The following MAP3K19 variants were observed in gnomAD, a reference collection of about 807,000 sequenced individuals.
MAP3K19 encodes the protein mitogen-activated protein kinase kinase kinase 19.
Under a neutral mutation model 114.4 loss-of-function variants are expected in MAP3K19, and 91 were observed. The ratio of observed to expected loss-of-function variants is 0.80; its 90% CI spans 0.67 to 0.95. MAP3K19 has a LOEUF of 0.95. MAP3K19 is among the 40% of genes least tolerant of loss of function. The pLI, the probability that MAP3K19 is intolerant of heterozygous loss-of-function variation, is 0.00. For synonymous variants in MAP3K19, 518 were observed against 530.5 expected, an observed-to-expected ratio of 0.98 and a Z score of 0.32; for missense variants, 1,471 against 1,573.2, an observed-to-expected ratio of 0.94 and a Z score of 1.10.
At chr2:135,018,109 T>C (rs147379105) in intron 5 of MAP3K19, among the ~76,000 whole-genome samples, 1,547 of 151,924 alleles carry the variant, frequency 0.01, 24 homozygotes, top group African/African-American at 0.035. Context: ...CTGACCAACA[T>C]AGAGAAACCC....
At chr2:134,984,199 T>C (rs939306253) in intron 10 of MAP3K19, among the ~76,000 whole-genome samples, 3 of 152,002 alleles carry the variant, frequency 2.0e-5, no homozygotes, top group African/African-American at 4.8e-5. Context: ...CCCCCTAACC[T>C]CAACTCTCTC....
chr2:134,987,092 T>A lies in MAP3K19; in HGVS notation c.1780A>T (p.Met594Leu). Residue 594 changes from methionine to leucine, a missense_variant, in exon 10 of 13, where the codon ATG becomes TTG. By Grantham distance (15) the Met-to-Leu change is conservative (BLOSUM62 2). Coordinates refer to ENST00000392915, the MANE Select transcript of MAP3K19 (RefSeq NM_025052.5). Reference protein sequence around the residue: ...PWQLPRFQKKMPQIAKKQSTH... With the variant: ...PWQLPRFQKKLPQIAKKQSTH... ...GATTGCTTCTTTGCTATCTGTGGCATTTTCTTTTGAAACCTGGGCAATTGC... is the reference window on the plus strand; with the variant it reads ...GATTGCTTCTTTGCTATCTGTGGCAATTTCTTTTGAAACCTGGGCAATTGC... 2 of 1,613,348 alleles carry A rather than the reference T, an allele frequency of 1.2e-6. No individual in the cohort carries two copies. The highest frequency in any genetic ancestry group is 1.7e-6 in the Non-Finnish European group (2 of 1,179,986).
chr2:134,998,262 G>A (rs1055374512), intron 8 of MAP3K19, among the ~76,000 whole-genome samples: 1 of 152,064 alleles, frequency 6.6e-6, no homozygotes, highest in Non-Finnish European at 1.5e-5. Context: ...CACAGCGTGG[G>A]CCCCCAAGAT....
At chr2:134,969,513 T>C (rs1683712737) in intron 12 of MAP3K19, among the ~76,000 whole-genome samples, 3 of 152,338 alleles carry the variant, frequency 2.0e-5, no homozygotes, top group East Asian at 3.9e-4. Context: ...TGTTGAGCAT[T>C]TCTTCATATA....
At chr2:135,017,070 T>C (rs1182572172) in intron 5 of MAP3K19, among the ~76,000 whole-genome samples, 1 of 152,228 alleles carries the variant, frequency 6.6e-6, no homozygotes, top group Non-Finnish European at 1.5e-5. Context: ...CTTGTTGTTT[T>C]GATGCTACTT....
In MAP3K19 at chr2:134,987,313, A is replaced by T; in HGVS notation, c.1559T>A (p.Ile520Lys). 6.2e-7 allele frequency: 1 copy of T among 1,614,130 alleles called. No individual in the cohort carries two copies. The highest frequency in any genetic ancestry group is 8.5e-7 in the Non-Finnish European group (1 of 1,180,016). The change falls in exon 10 of 13, where the codon ATA becomes AAA. Residue 520 changes from isoleucine to lysine, a missense_variant. Ile to Lys is a moderately radical substitution (Grantham distance 102). Coordinates refer to ENST00000392915, the MANE Select transcript of MAP3K19 (RefSeq NM_025052.5). The part of the protein sequence containing the change: ...GTIHNNHSVN[I>K]PVHQENDKHK... ...CTTGTCATTTTCTTGGTGTACAGGTATGTTGACACTATGGTTGTTATGAAT... is the reference window on the plus strand; with the variant it reads ...CTTGTCATTTTCTTGGTGTACAGGTTTGTTGACACTATGGTTGTTATGAAT...
intron 5 of MAP3K19, among the ~76,000 whole-genome samples, chr2:135,012,356 G>C (rs531455075): frequency 2.6e-5 from 4 of 152,144 alleles, no homozygotes; most frequent in African/African-American, 9.7e-5. Flanking sequence ...TCACTCCCTT[G>C]TTGGGAACCA....
intron 2 of MAP3K19, among the ~76,000 whole-genome samples, chr2:135,039,744 T>C (rs528917198): frequency 1.7e-3 from 255 of 152,336 alleles, no homozygotes; most frequent in African/African-American, 6.0e-3. Context: ...CTCTACATGC[T>C]CATATTGTTG....
intron 6 of MAP3K19, among the ~76,000 whole-genome samples, chr2:135,004,608 T>C (rs1686682523): frequency 6.6e-6 from 1 of 152,198 alleles, no homozygotes; most frequent in Non-Finnish European, 1.5e-5. Flanking sequence ...AAACATTTAC[T>C]TTAAGAAGGT....
chr2:135,029,150 A>G (rs1425368835), intron 3 of MAP3K19, among the ~76,000 whole-genome samples: 2 of 152,328 alleles, frequency 1.3e-5, no homozygotes, highest in East Asian at 3.9e-4. Flanking sequence ...AGGCGGGCAG[A>G]TCACAAGGTC....
At chr2:134,989,810 G>C (rs1685426826) in intron 9 of MAP3K19, among the ~76,000 whole-genome samples, 1 of 152,062 alleles carries the variant, frequency 6.6e-6, no homozygotes, top group Non-Finnish European at 1.5e-5. Context: ...GGCCAGGTGT[G>C]GTGGCTCACA....
intron 2 of MAP3K19, among the ~76,000 whole-genome samples, chr2:135,033,558 G>A (rs1336616700): frequency 0.018 from 7 of 390 alleles, no homozygotes; most frequent in East Asian, 0.062. Context: ...CGGACGGGGC[G>A]GCTGGCGGGC....
chr2:135,013,450 T>C (rs182195461), intron 5 of MAP3K19, among the ~76,000 whole-genome samples: 20 of 152,318 alleles, frequency 1.3e-4, no homozygotes, highest in African/African-American at 4.8e-4. Context: ...TTGTCTGTAG[T>C]TAACATTAAG....
chr2:135,036,951 T>A, intron 2 of MAP3K19, among the ~76,000 whole-genome samples: 1 of 151,686 alleles, frequency 6.6e-6, no homozygotes, highest in South Asian at 2.1e-4. Context: ...TGCAGTAGTT[T>A]GAAGAGGTAA....
At chr2:134,978,474 T>C (rs1358984067) in intron 12 of MAP3K19, among the ~76,000 whole-genome samples, 1 of 152,184 alleles carries the variant, frequency 6.6e-6, no homozygotes. Context: ...GTGCTGGGAT[T>C]ACAGGCATGA....
At position 134,981,017 on chromosome 2, in the gene MAP3K19, A is replaced by G. The variant is rs775856559; in HGVS notation, c.3724T>C (p.Ser1242Pro). Residue 1242 changes from serine to proline, a missense_variant, in exon 12 of 13, where the codon TCT (serine) becomes CCT (proline). Ser to Pro is a moderately conservative substitution (Grantham distance 74). Coordinates refer to ENST00000392915, the MANE Select transcript of MAP3K19 (RefSeq NM_025052.5). ...ATATCTGATTTCCGTCCATAGCCAG[A>G]CTCATTGATGACTTCTGGGGCCATC... is the stretch of plus-strand genomic sequence containing the variant. ...YWMAPEVINE[S>P]GYGRKSDIWS... The G allele has an allele frequency of 1.2e-6, 2 of 1,614,144 alleles. No homozygotes were observed. Among genetic ancestry groups the G allele is most frequent in the Non-Finnish European group, 1.7e-6 (2 of 1,180,034 alleles).
intron 5 of MAP3K19, among the ~76,000 whole-genome samples, chr2:135,019,268 C>A (rs1214736734): frequency 6.6e-6 from 1 of 151,960 alleles, no homozygotes. Context: ...TTTAAAACTT[C>A]TTTTTAATAA....
intron 4 of MAP3K19, among the ~76,000 whole-genome samples, chr2:135,022,307 A>T (rs1450135043): frequency 6.6e-6 from 1 of 152,152 alleles, no homozygotes; most frequent in Non-Finnish European, 1.5e-5. Context: ...GACATGAGTA[A>T]GAACTTTTTA....
At chr2:135,004,674 C>A (rs1271860584) in intron 6 of MAP3K19, among the ~76,000 whole-genome samples, 1 of 152,148 alleles carries the variant, frequency 6.6e-6, no homozygotes, top group Non-Finnish European at 1.5e-5. Context: ...TGCTCTGAGG[C>A]GAGAATCTGC....
Sources: allele counts gnomAD v4.1 joint callset (sites outside exome capture counted in the v4.1 genomes callset), GRCh38; gene constraint gnomAD v4.1.1; transcripts MANE v1.5; gene names NCBI Gene and HGNC (gene_info 2026-07-23, HGNC 2026-07-21).